GPC5: variants seen among roughly 807,000 people sequenced by gnomAD.
GPC5 encodes the protein glypican-5.
A neutral mutation model predicts 53.9 loss-of-function variants in GPC5; 47 were observed. That is an observed-to-expected ratio of 0.87 (90% CI 0.69 to 1.11). The LOEUF (loss-of-function observed/expected upper bound fraction) is 1.11, where lower values mean the gene tolerates loss of function less well. GPC5 is among the 50% of genes most tolerant of loss of function. GPC5 has a pLI of 0.00. For missense variants in GPC5, 748 were observed against 713.1 expected (o/e 1.05, Z -0.56); for synonymous variants, 286 against 263.3 (o/e 1.09, Z -0.84).
At chr13:91,860,331 C>G in intron 5 of GPC5, among the ~76,000 whole-genome samples, 1 of 151,916 alleles carries the variant, frequency 6.6e-6, no homozygotes, top group Non-Finnish European at 1.5e-5. Context: ...GTTTAACTTT[C>G]TTTTCTTGGC....
intron 7 of GPC5, among the ~76,000 whole-genome samples, chr13:92,311,453 G>A (rs1446158443): frequency 1.3e-5 from 2 of 152,004 alleles, no homozygotes; most frequent in African/African-American, 2.4e-5. Flanking sequence ...AATTTGATTT[G>A]GTCTCAATGC....
At chr13:92,666,334 G>T (rs183666453) in intron 7 of GPC5, among the ~76,000 whole-genome samples, 3 of 152,106 alleles carry the variant, frequency 2.0e-5, no homozygotes, top group African/African-American at 7.2e-5. Flanking sequence ...ATAAACATTT[G>T]CTGAATTCAA....
intron 7 of GPC5, among the ~76,000 whole-genome samples, chr13:92,368,837 C>G (rs1411999150): frequency 6.6e-6 from 1 of 151,944 alleles, no homozygotes; most frequent in Non-Finnish European, 1.5e-5. Flanking sequence ...TTAACTGAAG[C>G]CGGGCATATG....
intron 7 of GPC5, among the ~76,000 whole-genome samples, chr13:92,227,838 T>C (rs891032559): frequency 6.6e-6 from 1 of 152,066 alleles, no homozygotes. Flanking sequence ...AGGTAATAAA[T>C]AAGGTATAAT....
intron 1 of GPC5, among the ~76,000 whole-genome samples, chr13:91,437,253 T>A (rs1880052509): frequency 6.6e-6 from 1 of 152,220 alleles, no homozygotes; most frequent in African/African-American, 2.4e-5. Context: ...GTTATTTTGC[T>A]TGTTGGTTGA....
chr13:91,554,121 C>T (rs894272530), intron 2 of GPC5, among the ~76,000 whole-genome samples: 7 of 151,900 alleles, frequency 4.6e-5, no homozygotes, highest in Admixed American at 6.6e-5. Context: ...TAAAACTGGA[C>T]CTTCTAGTTT....
chr13:92,498,473 A>G (rs951645465), intron 7 of GPC5, among the ~76,000 whole-genome samples: 1 of 152,106 alleles, frequency 6.6e-6, no homozygotes, highest in Non-Finnish European at 1.5e-5. Flanking sequence ...AACTCCTGAG[A>G]TCTTATCAGG....
intron 7 of GPC5, among the ~76,000 whole-genome samples, chr13:92,418,839 T>C (rs550746723): frequency 6.6e-6 from 1 of 152,224 alleles, no homozygotes; most frequent in East Asian, 1.9e-4. Context: ...GAGAAACAGG[T>C]AGAAAAATAG....
intron 7 of GPC5, among the ~76,000 whole-genome samples, chr13:92,152,660 A>G (rs2041915369): frequency 2.0e-5 from 3 of 151,066 alleles, no homozygotes; most frequent in Admixed American, 6.6e-5. Flanking sequence ...AATGGTGTGA[A>G]CCCGGGAGGC....
chr13:92,379,338 A>G (rs2043719526), intron 7 of GPC5, among the ~76,000 whole-genome samples: 1 of 152,212 alleles, frequency 6.6e-6, no homozygotes, highest in Admixed American at 6.5e-5. Context: ...GAGACCTGAA[A>G]TGCAGAAGAG....
chr13:92,192,682 G>A (rs186169663), intron 7 of GPC5, among the ~76,000 whole-genome samples: 18 of 152,186 alleles, frequency 1.2e-4, no homozygotes, highest in Middle Eastern at 3.4e-3. Flanking sequence ...GCTGACAAGG[G>A]AATAATTTAA....
chr13:92,685,250 G>A (rs1023960322), intron 7 of GPC5, among the ~76,000 whole-genome samples: 8 of 151,884 alleles, frequency 5.3e-5, no homozygotes, highest in African/African-American at 1.9e-4. Flanking sequence ...CCACCACCAT[G>A]CCCAGCTGAT....
chr13:92,235,936 C>A (rs1256455600), intron 7 of GPC5, among the ~76,000 whole-genome samples: 3 of 151,918 alleles, frequency 2.0e-5, no homozygotes, highest in Non-Finnish European at 2.9e-5. Context: ...AAAAAAAAAG[C>A]TTTTTCCTTT....
intron 7 of GPC5, among the ~76,000 whole-genome samples, chr13:92,445,980 G>T (rs1025365221): frequency 2.0e-5 from 3 of 151,798 alleles, no homozygotes; most frequent in South Asian, 2.1e-4. Flanking sequence ...TACATAGTAG[G>T]TATATATGTT....
chr13:92,628,553 G>A (rs1885132016), intron 7 of GPC5, among the ~76,000 whole-genome samples: 1 of 152,020 alleles, frequency 6.6e-6, no homozygotes, highest in Non-Finnish European at 1.5e-5. Context: ...ACAGGGAGAA[G>A]GGACAAAGGA....
chr13:91,580,295 C>A (rs1282373098), intron 2 of GPC5, among the ~76,000 whole-genome samples: 3 of 152,180 alleles, frequency 2.0e-5, no homozygotes, highest in Admixed American at 2.0e-4. Context: ...TGTGATCTGC[C>A]TGCCTTGGCC....
chr13:92,228,579 T>C (rs1166211694), intron 7 of GPC5, among the ~76,000 whole-genome samples: 1 of 152,090 alleles, frequency 6.6e-6, no homozygotes, highest in Non-Finnish European at 1.5e-5. Context: ...GTCCACTCAG[T>C]AGAGAAATAA....
intron 2 of GPC5, among the ~76,000 whole-genome samples, chr13:91,684,285 C>T (rs929494541): frequency 6.6e-6 from 1 of 152,140 alleles, no homozygotes; most frequent in Non-Finnish European, 1.5e-5. Flanking sequence ...CTTATATCAA[C>T]AGCTTCAACT....
At chr13:92,795,140 C>T (rs542912492) in intron 7 of GPC5, among the ~76,000 whole-genome samples, 37 of 152,170 alleles carry the variant, frequency 2.4e-4, no homozygotes, top group East Asian at 1.4e-3. Context: ...AACTGTACTA[C>T]GAGACTACAG....
Sources: gnomAD v4.1 joint callset for allele counts (sites outside exome capture counted in the v4.1 genomes callset) on GRCh38, gnomAD v4.1.1 for gene constraint, MANE v1.5 for transcripts, NCBI Gene and HGNC (gene_info 2026-07-23, HGNC 2026-07-21) for gene names.